Variants in PTPRM observed in about 807,000 individuals in gnomAD.
PTPRM encodes receptor-type tyrosine-protein phosphatase mu.
Under a neutral mutation model 186.7 loss-of-function variants are expected in PTPRM, and 47 were observed. The observed-to-expected ratio is 0.25, with a 90% confidence interval of 0.20 to 0.32. The LOEUF (loss-of-function observed/expected upper bound fraction) is 0.32. PTPRM is among the 10% of genes least tolerant of loss of function. PTPRM has a pLI of 1.00. For synonymous variants in PTPRM, 668 were observed against 674.9 expected, an observed-to-expected ratio of 0.99 and a Z score of 0.16; for missense variants, 1,494 against 1,865.0, an observed-to-expected ratio of 0.80 and a Z score of 3.66.
chr18:7,612,513 T>G lies in PTPRM; in HGVS notation c.73+44622T>G, dbSNP rs186681897. 6.1e-4 allele frequency among the ~76,000 whole-genome samples: 93 copies of G among 152,322 alleles called. 1 individual carries two copies. The highest frequency in any genetic ancestry group is 2.1e-3 in the African/African-American group (88 of 41,582). On this transcript the variant is annotated intron_variant, in intron 1 of 32. Coordinates refer to ENST00000580170, the MANE Select transcript of PTPRM (RefSeq NM_001105244.2). ...ACCTGTCTCTCAATTGTTCCACGATTCACTTTGATTTTATCAGCCTTGGAC... is the reference window on the plus strand; with the variant it reads ...ACCTGTCTCTCAATTGTTCCACGATGCACTTTGATTTTATCAGCCTTGGAC...
At chr18:7,890,578 A>G (rs2049022310) in intron 3 of PTPRM, among the ~76,000 whole-genome samples, 1 of 152,156 alleles carries the variant, frequency 6.6e-6, no homozygotes, top group Admixed American at 6.5e-5. Flanking sequence ...GTAAATTGTT[A>G]AGATCTTTTT....
In PTPRM at chr18:8,268,514, G is replaced by C. The variant is rs547973386; in HGVS notation, c.2754+15100G>C. Among the ~76,000 whole-genome samples, 3 of 152,160 alleles carry C rather than the reference G, an allele frequency of 2.0e-5. No homozygotes were observed. The South Asian group carries it at 6.2e-4, about 32-fold the overall frequency. On this transcript the variant is annotated intron_variant, in intron 19 of 32. Transcript: ENST00000580170. Reference sequence around the variant, plus strand: ...TACCAAACATTTAAAGAAGAATTAAGGCTAGTATTTCTCAGATGCTTCCAA... The same window carrying C: ...TACCAAACATTTAAAGAAGAATTAACGCTAGTATTTCTCAGATGCTTCCAA...
At chr18:8,375,744 C>G (rs540465694) in intron 24 of PTPRM, among the ~76,000 whole-genome samples, 2 of 152,356 alleles carry the variant, frequency 1.3e-5, no homozygotes, top group East Asian at 3.9e-4. Flanking sequence ...TTAACATAGT[C>G]TACTTTTTAG....
At chr18:7,979,629 C>G (rs2082438375) in intron 7 of PTPRM, among the ~76,000 whole-genome samples, 1 of 152,098 alleles carries the variant, frequency 6.6e-6, no homozygotes, top group Non-Finnish European at 1.5e-5. Flanking sequence ...AGTTTATTCT[C>G]AGGAAACGAC....
At chr18:7,979,593 A>G (rs1599836265) in intron 7 of PTPRM, among the ~76,000 whole-genome samples, 2 of 152,162 alleles carry the variant, frequency 1.3e-5, no homozygotes. Flanking sequence ...CATAATATGT[A>G]TTTGCATTAC....
intron 7 of PTPRM, among the ~76,000 whole-genome samples, chr18:8,050,618 A>G (rs545133370): frequency 8.1e-4 from 124 of 152,324 alleles, no homozygotes; most frequent in Admixed American, 1.4e-3. Context: ...TTCTCTAAGG[A>G]CTTTCAGTGT....
chr18:7,877,846 T>C (rs2048321053), intron 2 of PTPRM, among the ~76,000 whole-genome samples: 3 of 152,184 alleles, frequency 2.0e-5, no homozygotes, highest in African/African-American at 7.2e-5. Context: ...CTGACTCAGA[T>C]TGAGAGTGAT....
intron 7 of PTPRM, among the ~76,000 whole-genome samples, chr18:8,025,075 A>G (rs934698102): frequency 6.6e-6 from 1 of 152,126 alleles, no homozygotes; most frequent in Non-Finnish European, 1.5e-5. Flanking sequence ...AGTTTTAATC[A>G]GGGCTAAATA....
In PTPRM at chr18:7,658,330, T is replaced by TTATATATATATA. The variant is rs34009975; in HGVS notation, c.73+90458_73+90469dup. On this transcript the variant is annotated intron_variant, in intron 1 of 32. Transcript: ENST00000580170. ...GTGGCTTCCTAAAATTAAAGTAAAT[T>TTATATATATATA]TATATATATATATATATATATATAT... Among the ~76,000 whole-genome samples, 267 of 124,386 alleles carry TTATATATATATA rather than the reference T, an allele frequency of 2.1e-3. 1 individual carries two copies. Among genetic ancestry groups the TTATATATATATA allele is most frequent in the Middle Eastern group, 7.9e-3 (2 of 254 alleles). The allele number at this position is 124,386 out of a possible 152,430, so 81.6% of individuals were successfully genotyped here. A position where few individuals can be genotyped will look rare whatever the true frequency, so the allele number is the denominator to read the frequency against.
intron 19 of PTPRM, among the ~76,000 whole-genome samples, chr18:8,265,948 T>C (rs1429908929): frequency 6.6e-6 from 1 of 152,084 alleles, no homozygotes; most frequent in Non-Finnish European, 1.5e-5. Context: ...AACTGGCTGT[T>C]GGAGATCTGT....
chr18:8,158,043 C>G (rs560194756), intron 14 of PTPRM, among the ~76,000 whole-genome samples: 2 of 152,356 alleles, frequency 1.3e-5, no homozygotes, highest in South Asian at 4.1e-4. Context: ...GCACCACATT[C>G]AGCAGGGCTG....
chr18:8,346,575 G>C (rs995980055), intron 23 of PTPRM, among the ~76,000 whole-genome samples: 2 of 152,052 alleles, frequency 1.3e-5, no homozygotes, highest in African/African-American at 4.8e-5. Context: ...AGTTTTGGGG[G>C]TACACAAATA....
chr18:7,806,065 G>A (rs147759806), intron 2 of PTPRM, among the ~76,000 whole-genome samples: 1 of 152,216 alleles, frequency 6.6e-6, no homozygotes, highest in African/African-American at 2.4e-5. Flanking sequence ...TGCCAGCCTA[G>A]TGGCATACCA....
intron 2 of PTPRM, among the ~76,000 whole-genome samples, chr18:7,850,609 C>T (rs1260275110): frequency 1.3e-5 from 2 of 152,078 alleles, no homozygotes; most frequent in Non-Finnish European, 1.5e-5. Context: ...TTTATTGGGA[C>T]CTCAAAGGGT....
chr18:8,258,052 A>G (rs1356443306), intron 19 of PTPRM, among the ~76,000 whole-genome samples: 2 of 152,244 alleles, frequency 1.3e-5, no homozygotes, highest in Non-Finnish European at 2.9e-5. Context: ...AATTTGATTC[A>G]AAAGAAACTC....
chr18:7,701,602 A>C (rs2039968681), intron 1 of PTPRM, among the ~76,000 whole-genome samples: 1 of 152,080 alleles, frequency 6.6e-6, no homozygotes, highest in Admixed American at 6.6e-5. Flanking sequence ...CGTCTCAAAA[A>C]ATATATATAT....
intron 7 of PTPRM, among the ~76,000 whole-genome samples, chr18:7,973,369 G>C (rs1024330391): frequency 3.3e-5 from 5 of 152,140 alleles, no homozygotes; most frequent in African/African-American, 9.7e-5. Flanking sequence ...CACAATGTCA[G>C]GGTCCTCAAA....
intron 14 of PTPRM, among the ~76,000 whole-genome samples, chr18:8,195,085 C>G (rs77485468): frequency 0.017 from 2,641 of 151,592 alleles, 51 homozygotes; most frequent in East Asian, 0.093. Context: ...TTGTCATCCA[C>G]ACTTTGGCCA....
intron 14 of PTPRM, among the ~76,000 whole-genome samples, chr18:8,189,362 T>C (rs1364709563): frequency 6.6e-6 from 1 of 151,350 alleles, no homozygotes; most frequent in East Asian, 1.9e-4. Flanking sequence ...AGAGATCAGC[T>C]CACGGGGGGT....
Sources: allele counts gnomAD v4.1 joint callset (sites outside exome capture counted in the v4.1 genomes callset), GRCh38; gene constraint gnomAD v4.1.1; transcripts MANE v1.5; gene names NCBI Gene and HGNC (gene_info 2026-07-23, HGNC 2026-07-21).